The following PHACTR1 variants were observed in gnomAD, a reference collection of about 807,000 sequenced individuals.
PHACTR1 encodes the protein RPEL repeat containing 1.
PHACTR1 carries 16 observed loss-of-function variants against 69.2 expected under a neutral mutation model. The ratio of observed to expected loss-of-function variants is 0.23; its 90% CI spans 0.16 to 0.35. The LOEUF is 0.35. Among genes scored for constraint, PHACTR1 ranks in the 10% least tolerant of loss-of-function variants. The pLI is 1.00. For synonymous variants in PHACTR1, 312 were observed against 284.5 expected, an observed-to-expected ratio of 1.10 and a Z score of -0.97; for missense variants, 510 against 734.7, an observed-to-expected ratio of 0.69 and a Z score of 3.54.
intron 4 of PHACTR1, among the ~76,000 whole-genome samples, chr6:12,977,562 C>A (rs1228087168): frequency 1.3e-5 from 2 of 152,172 alleles, no homozygotes; most frequent in African/African-American, 4.8e-5. Flanking sequence ...ACACTGGAAT[C>A]CTCCATTCAA....
rs141546670 is a variant in PHACTR1, at chr6:13,047,036, C to T, written c.251-6329C>T. Among the ~76,000 whole-genome samples the T allele has an allele frequency of 5.0e-3, 753 of 152,056 alleles. 9 individuals are homozygous for T. Among genetic ancestry groups the T allele is most frequent in the Middle Eastern group, 0.017 (5 of 292 alleles). On this transcript the variant is annotated intron_variant, in intron 4 of 14. Coordinates refer to ENST00000332995, the MANE Select transcript of PHACTR1 (RefSeq NM_030948.6). Reference sequence around the variant, plus strand: ...GTGACAGTACATTTATAAAAGGGACCTTTCTGAATGGCTGGGCACCTGTGT... The same window carrying T: ...GTGACAGTACATTTATAAAAGGGACTTTTCTGAATGGCTGGGCACCTGTGT...
intron 12 of PHACTR1, chr6:13,280,409 T>C (rs413120): frequency 0.77 from 120,149 of 155,108 alleles, 47,254 homozygotes; most frequent in Admixed American, 0.85. Context: ...GCAACTTCCA[T>C]ATCTGCTTTT....
At chr6:12,989,031 A>C (rs1349567125) in intron 4 of PHACTR1, among the ~76,000 whole-genome samples, 1 of 152,218 alleles carries the variant, frequency 6.6e-6, no homozygotes, top group East Asian at 1.9e-4. Flanking sequence ...ACAAAGATTC[A>C]AGAAGGAAAT....
intron 4 of PHACTR1, among the ~76,000 whole-genome samples, chr6:12,987,370 T>C (rs574484914): frequency 1.2e-4 from 19 of 152,146 alleles, no homozygotes; most frequent in Non-Finnish European, 2.6e-4. Flanking sequence ...AATGAAAGGC[T>C]TTGTAGAAAG....
At chr6:13,073,033 T>G (rs1809779571) in intron 5 of PHACTR1, among the ~76,000 whole-genome samples, 1 of 152,246 alleles carries the variant, frequency 6.6e-6, no homozygotes, top group South Asian at 2.1e-4. Context: ...TTTTGTAGTT[T>G]ATTATACTCC....
At chr6:12,862,635 T>C (rs1205829802) in intron 4 of PHACTR1, among the ~76,000 whole-genome samples, 1 of 152,210 alleles carries the variant, frequency 6.6e-6, no homozygotes, top group Non-Finnish European at 1.5e-5. Flanking sequence ...TTCTGCTTTT[T>C]CATACACCAC....
rs145229420 is a variant in PHACTR1 at position 12,770,892 on chromosome 6, A to G, written c.250+21102A>G. On this transcript the variant is annotated intron_variant, in intron 4 of 14. Coordinates refer to ENST00000332995, the MANE Select transcript of PHACTR1 (RefSeq NM_030948.6). The stretch of plus-strand genomic sequence containing the variant: ...GGCTGTGCTTCAGCAGGGCTTCAGG[A>G]AAGAGCAGTTTCTCCCGGAAAGGCA... 2.0e-3 allele frequency among the ~76,000 whole-genome samples: 297 copies of G among 152,296 alleles called. 1 individual carries two copies. The highest frequency in any genetic ancestry group is 6.4e-3 in the African/African-American group (266 of 41,556).
chr6:12,839,359 C>G (rs1778466935), intron 4 of PHACTR1, among the ~76,000 whole-genome samples: 1 of 152,172 alleles, frequency 6.6e-6, no homozygotes, highest in African/African-American at 2.4e-5. Flanking sequence ...AGGCATCAAG[C>G]AAGCTATCAT....
chr6:13,124,885 G>A (rs1819290432), intron 5 of PHACTR1, among the ~76,000 whole-genome samples: 1 of 152,172 alleles, frequency 6.6e-6, no homozygotes, highest in Non-Finnish European at 1.5e-5. Flanking sequence ...ATCACCCATT[G>A]GAGGTTAGAT....
At chr6:13,223,834 C>T (rs778212925) in intron 8 of PHACTR1, among the ~76,000 whole-genome samples, 3 of 152,116 alleles carry the variant, frequency 2.0e-5, no homozygotes, top group East Asian at 1.9e-4. Context: ...AGTAAATGTT[C>T]TCTCTATTCA....
intron 7 of PHACTR1, among the ~76,000 whole-genome samples, chr6:13,192,288 C>G (rs1763704868): frequency 6.6e-6 from 1 of 152,156 alleles, no homozygotes. Flanking sequence ...TTATTTAAGA[C>G]AAGCCTTAAA....
chr6:12,787,963 C>T lies in PHACTR1; in HGVS notation c.250+38173C>T, dbSNP rs145581143. ...CCTGAGGTCAGGAGTACGAGACCAGCCTGGCCAACATGGCGAAACCCTGTC... is the reference window on the plus strand; with the variant it reads ...CCTGAGGTCAGGAGTACGAGACCAGTCTGGCCAACATGGCGAAACCCTGTC... On this transcript the variant is annotated intron_variant, in intron 4 of 14. Transcript: ENST00000332995. Among the ~76,000 whole-genome samples, 1,377 of 152,208 alleles carry T rather than the reference C, an allele frequency of 9.0e-3. 21 individuals carry two copies. Among genetic ancestry groups the T allele is most frequent in the African/African-American group, 0.031 (1,305 of 41,536 alleles).
intron 4 of PHACTR1, among the ~76,000 whole-genome samples, chr6:12,948,983 A>T (rs910263810): frequency 6.6e-6 from 1 of 152,202 alleles, no homozygotes; most frequent in Admixed American, 6.5e-5. Flanking sequence ...AAGAAATAGA[A>T]AAATGGGCCA....
intron 4 of PHACTR1, among the ~76,000 whole-genome samples, chr6:12,873,217 A>T (rs947509854): frequency 6.6e-6 from 1 of 151,788 alleles, no homozygotes; most frequent in Non-Finnish European, 1.5e-5. Context: ...GGATCTTGCC[A>T]TGTTGCCCAG....
intron 10 of PHACTR1, among the ~76,000 whole-genome samples, chr6:13,239,115 C>T (rs1233245129): frequency 6.6e-6 from 1 of 152,132 alleles, no homozygotes; most frequent in African/African-American, 2.4e-5. Context: ...CCCTGGTATT[C>T]GCTCATCTTC....
At chr6:12,934,558 G>C (rs913419279) in intron 4 of PHACTR1, among the ~76,000 whole-genome samples, 15 of 152,120 alleles carry the variant, frequency 9.9e-5, no homozygotes, top group African/African-American at 3.6e-4. Context: ...TAGTAGGGCC[G>C]GGTGTGGTGG....
intron 4 of PHACTR1, among the ~76,000 whole-genome samples, chr6:12,997,165 C>T (rs1378813688): frequency 6.7e-6 from 1 of 150,204 alleles, no homozygotes; most frequent in Non-Finnish European, 1.5e-5. Flanking sequence ...GAAATTCCAT[C>T]TCAAAAAAAG....
At chr6:13,087,057 T>TA (rs1273035571) in intron 5 of PHACTR1, among the ~76,000 whole-genome samples, 2 of 151,072 alleles carry the variant, frequency 1.3e-5, no homozygotes, top group East Asian at 1.9e-4. Context: ...TATCTTTGTT[T>TA]AAGTATTTTG....
In PHACTR1 at chr6:13,104,415, C is replaced by G. The variant is rs1356644312; in HGVS notation, c.415+50886C>G. Among the ~76,000 whole-genome samples the G allele has an allele frequency of 5.3e-5, 8 of 152,256 alleles. No homozygotes were observed. The South Asian group carries it at 8.3e-4, about 16-fold the overall frequency. On this transcript the variant is annotated intron_variant, in intron 5 of 14. Coordinates refer to ENST00000332995, the MANE Select transcript of PHACTR1 (RefSeq NM_030948.6). The stretch of plus-strand genomic sequence containing the variant: ...TGACTGAACAGGAAACATTTGAACT[C>G]CTTGTTTGCTTTAAGAGAAATATGA...
Sources: gnomAD v4.1 joint callset for allele counts (sites outside exome capture counted in the v4.1 genomes callset) on GRCh38, gnomAD v4.1.1 for gene constraint, MANE v1.5 for transcripts, NCBI Gene and HGNC (gene_info 2026-07-23, HGNC 2026-07-21) for gene names.